Variants in LSAMP observed in about 807,000 individuals in gnomAD.
LSAMP encodes the protein limbic system associated membrane protein.
In LSAMP, 7 loss-of-function variants were observed where a neutral mutation model predicts 38.6. That is an observed-to-expected ratio of 0.18 (90% confidence interval 0.10 to 0.34). LSAMP has a LOEUF of 0.34. LSAMP is among the 10% of genes least tolerant of loss of function. The pLI is 1.00. For missense variants in LSAMP, 313 were observed against 420.0 expected (o/e 0.75, Z 2.23); for synonymous variants, 154 against 166.8 (o/e 0.92, Z 0.59).
intron 4 of LSAMP, among the ~76,000 whole-genome samples, chr3:115,845,019 T>C (rs140545646): frequency 1.3e-5 from 2 of 152,284 alleles, no homozygotes; most frequent in East Asian, 1.9e-4. Context: ...GAAGTGCATT[T>C]GAAGGCTGAG....
At position 116,292,640 on chromosome 3, in the gene LSAMP, T is replaced by C. The variant is rs538439262; in HGVS notation, c.155+152237A>G. Among the ~76,000 whole-genome samples, 151 of 152,322 alleles carry C rather than the reference T, an allele frequency of 9.9e-4. 2 individuals are homozygous for C. The highest frequency in any genetic ancestry group is 1.7e-3 in the Non-Finnish European group (117 of 68,016). On this transcript the variant is annotated intron_variant, in intron 1 of 6. Transcript: ENST00000490035. ...ATGTACGATTTTGTTTATAGATCTT[T>C]TGTTCAACTCAGTGTACTTGATCTG... is the stretch of plus-strand genomic sequence containing the variant.
At chr3:115,875,012 C>T (rs1477317463) in intron 3 of LSAMP, among the ~76,000 whole-genome samples, 1 of 151,958 alleles carries the variant, frequency 6.6e-6, no homozygotes, top group Non-Finnish European at 1.5e-5. Context: ...AATATTATCT[C>T]AGGTAATTCT....
intron 1 of LSAMP, among the ~76,000 whole-genome samples, chr3:116,087,352 G>T (rs887481593): frequency 6.6e-6 from 1 of 152,136 alleles, no homozygotes; most frequent in Admixed American, 6.6e-5. Context: ...ACTTAAAAGG[G>T]TCTCTTTCTG....
intron 3 of LSAMP, among the ~76,000 whole-genome samples, chr3:115,888,870 C>G (rs1011096165): frequency 6.6e-6 from 1 of 151,930 alleles, no homozygotes; most frequent in African/African-American, 2.4e-5. Flanking sequence ...GAATCCTAGT[C>G]TATTCTAAGT....
chr3:116,044,319 C>T (rs964135502), intron 2 of LSAMP, among the ~76,000 whole-genome samples: 21 of 152,200 alleles, frequency 1.4e-4, no homozygotes, highest in African/African-American at 5.1e-4. Flanking sequence ...ATTCTAACAA[C>T]CCTACCTTTC....
chr3:116,385,902 T>C (rs2048619800), intron 1 of LSAMP, among the ~76,000 whole-genome samples: 1 of 150,364 alleles, frequency 6.7e-6, no homozygotes, highest in Admixed American at 6.7e-5. Flanking sequence ...AAGCAAGGAA[T>C]AGTTATTATT....
chr3:116,030,619 G>C (rs933211529), intron 2 of LSAMP, among the ~76,000 whole-genome samples: 2 of 152,148 alleles, frequency 1.3e-5, no homozygotes, highest in Admixed American at 6.6e-5. Flanking sequence ...AACCAGAGCA[G>C]ATGGTTTTAC....
chr3:115,920,917 C>T (rs564626113), intron 3 of LSAMP, among the ~76,000 whole-genome samples: 1 of 151,684 alleles, frequency 6.6e-6, no homozygotes, highest in Non-Finnish European at 1.5e-5. Context: ...GTTATATCTT[C>T]CTGGTGAATT....
chr3:116,079,075 C>A (rs1332871125), intron 2 of LSAMP, among the ~76,000 whole-genome samples: 1 of 152,166 alleles, frequency 6.6e-6, no homozygotes, highest in Non-Finnish European at 1.5e-5. Context: ...CATCCAACAT[C>A]ACAAGGTTCA....
At chr3:116,233,507 T>C (rs374177220) in intron 1 of LSAMP, among the ~76,000 whole-genome samples, 6 of 152,118 alleles carry the variant, frequency 3.9e-5, no homozygotes, top group African/African-American at 1.4e-4. Flanking sequence ...TCCAGTTATT[T>C]TGAAATACAC....
intron 1 of LSAMP, among the ~76,000 whole-genome samples, chr3:116,212,291 A>T (rs1483886984): frequency 6.6e-6 from 1 of 152,232 alleles, no homozygotes; most frequent in Non-Finnish European, 1.5e-5. Flanking sequence ...TTACTCCCTA[A>T]ACAAATTTTA....
Position 116,002,383 on chromosome 3 carries a change from G to A in LSAMP, c.514+17132C>T, listed in dbSNP as rs79443114. Among the ~76,000 whole-genome samples, 436 of 152,288 alleles carry A rather than the reference G, an allele frequency of 2.9e-3. 3 individuals carry two copies. The highest frequency in any genetic ancestry group is 9.7e-3 in the African/African-American group (403 of 41,576). On this transcript the variant is annotated intron_variant, in intron 3 of 6. Transcript: ENST00000490035. ...TGGTGCCAGACACTGGAGAACACAC[G>A]GGGATATTAGGAAGGAGAAATGCAA... is the stretch of plus-strand genomic sequence containing the variant.
rs546418765 is a variant in LSAMP at position 116,222,798 on chromosome 3, C to T, written c.156-136242G>A. Reference sequence around the variant, plus strand: ...TCGCCCAGGCTGGAGTCCAGTGGCGCGATCTCGGCTCACTGCAAGCTCTGC... The same window carrying T: ...TCGCCCAGGCTGGAGTCCAGTGGCGTGATCTCGGCTCACTGCAAGCTCTGC... On this transcript the variant is annotated intron_variant, in intron 1 of 6. Transcript: ENST00000490035. Among the ~76,000 whole-genome samples, 31 of 126,976 alleles carry T rather than the reference C, an allele frequency of 2.4e-4. No homozygotes were observed. In the South Asian group the frequency reaches 5.9e-3, roughly 24 times the overall value. The allele number at this position is 126,976 out of a possible 152,430, so 83.3% of individuals were successfully genotyped here.
intron 1 of LSAMP, among the ~76,000 whole-genome samples, chr3:116,203,792 G>C (rs1305237002): frequency 6.6e-6 from 1 of 151,906 alleles, no homozygotes; most frequent in East Asian, 1.9e-4. Context: ...TCTTAATCCA[G>C]TCTATTATTG....
At chr3:116,435,372 T>C (rs1473775894) in intron 1 of LSAMP, among the ~76,000 whole-genome samples, 2 of 152,184 alleles carry the variant, frequency 1.3e-5, no homozygotes, top group Admixed American at 6.5e-5. Context: ...TAACTGAGTC[T>C]TCACCATCAG....
In LSAMP at chr3:116,086,208, CAAT is replaced by C; in HGVS notation, c.388+113_388+115del. On this transcript the variant is annotated intron_variant, in intron 2 of 6. Coordinates refer to ENST00000490035, the MANE Select transcript of LSAMP (RefSeq NM_002338.5). ...TAGACAGAAAATCGATACTTAAGTC[CAAT>C]AATATCTTTGGGAATATTTCTTTTC... 3.5e-6 allele frequency: 3 copies of C among 862,930 alleles called. No homozygotes were observed. In the East Asian group the frequency reaches 8.0e-5, roughly 23 times the overall value. 53.5% of individuals were successfully genotyped at this position (862,930 alleles called of 1,614,324 possible). A position where few individuals can be genotyped will look rare whatever the true frequency, so the allele number is the denominator to read the frequency against.
chr3:115,902,782 C>G (rs1449704825), intron 3 of LSAMP, among the ~76,000 whole-genome samples: 1 of 152,062 alleles, frequency 6.6e-6, no homozygotes, highest in Non-Finnish European at 1.5e-5. Context: ...CAAATCAAAA[C>G]CACAATGAGA....
chr3:116,102,492 T>C (rs2107452511), intron 1 of LSAMP, among the ~76,000 whole-genome samples: 1 of 152,306 alleles, frequency 6.6e-6, no homozygotes, highest in Non-Finnish European at 1.5e-5. Flanking sequence ...GAGATTAACA[T>C]TTGAATTGGT....
At chr3:116,290,761 TAA>T (rs1261374429) in intron 1 of LSAMP, among the ~76,000 whole-genome samples, 1 of 147,646 alleles carries the variant, frequency 6.8e-6, no homozygotes. Context: ...ATAATAATAA[TAA>T]TAATAATAAT....
Sources: allele counts gnomAD v4.1 joint callset (sites outside exome capture counted in the v4.1 genomes callset), GRCh38; gene constraint gnomAD v4.1.1; transcripts MANE v1.5; gene names NCBI Gene and HGNC (gene_info 2026-07-23, HGNC 2026-07-21).